The following DMD variants were observed in gnomAD, a reference collection of about 807,000 sequenced individuals.
DMD encodes the protein mutant dystrophin.
In DMD, 63 loss-of-function variants were observed where a neutral mutation model predicts 330.1. The ratio of observed to expected loss-of-function variants is 0.19; its 90% confidence interval spans 0.16 to 0.24. The LOEUF is 0.24. DMD is among the 10% of genes least tolerant of loss of function. DMD has a pLI of 1.00. For missense variants in DMD, 3,344 were observed against 2,684.1 expected (o/e 1.25, Z -5.43); for synonymous variants, 1,223 against 959.8 (o/e 1.27, Z -5.07).
At chrX:31,961,249 T>C (rs749685025) in intron 45 of DMD, among the ~76,000 whole-genome samples, 1 of 112,115 alleles carries the variant, frequency 8.9e-6, no homozygotes, top group Non-Finnish European at 1.9e-5. Context: ...ATTTCTAGAA[T>C]TGCAAACGTA....
intron 51 of DMD, among the ~76,000 whole-genome samples, chrX:31,730,001 G>A (rs1028486660): frequency 1.4e-4 from 16 of 111,885 alleles, no homozygotes; most frequent in African/African-American, 4.5e-4. Flanking sequence ...ACATTCCGGA[G>A]TACCTCGGAT....
chrX:33,189,383 TTAAAG>T (rs1337600791), intron 1 of DMD, among the ~76,000 whole-genome samples: 1 of 111,963 alleles, frequency 8.9e-6, no homozygotes, highest in African/African-American at 3.2e-5. Flanking sequence ...TATTCTCATA[TTAAAG>T]TAAATAAATT....
intron 6 of DMD, among the ~76,000 whole-genome samples, chrX:32,815,611 G>C (rs954355278): frequency 1.9e-5 from 2 of 106,902 alleles, no homozygotes; most frequent in Non-Finnish European, 3.8e-5. Context: ...CTAAGTGTAT[G>C]TGTACATATA....
intron 2 of DMD, among the ~76,000 whole-genome samples, chrX:32,872,305 T>C (rs1006476698): frequency 8.9e-6 from 1 of 112,109 alleles, no homozygotes; most frequent in African/African-American, 3.2e-5. Context: ...TTTGCGTCCA[T>C]GTTCATGGCC....
At chrX:31,334,613 C>T (rs761749153) in intron 61 of DMD, among the ~76,000 whole-genome samples, 3 of 111,647 alleles carry the variant, frequency 2.7e-5, no homozygotes, top group East Asian at 2.8e-4. Context: ...TCAGGTGACT[C>T]GTTTTTGTTA....
chrX:31,450,601 A>G (rs758846103), intron 59 of DMD, among the ~76,000 whole-genome samples: 4 of 112,369 alleles, frequency 3.6e-5, no homozygotes, highest in Non-Finnish European at 7.5e-5. Flanking sequence ...TGATGCCCAG[A>G]ATGTAGGTAC....
chrX:32,969,068 G>T, intron 2 of DMD, among the ~76,000 whole-genome samples: 1 of 77,344 alleles, frequency 1.3e-5, no homozygotes, highest in Admixed American at 1.6e-4. Context: ...AACCTAGAAC[G>T]CTCCCTTTCC....
At chrX:32,300,581 T>C (rs1179231786) in intron 42 of DMD, among the ~76,000 whole-genome samples, 1 of 111,990 alleles carries the variant, frequency 8.9e-6, no homozygotes, top group African/African-American at 3.2e-5. Context: ...ACCAGTCCTT[T>C]TATGATACGT....
intron 74 of DMD, among the ~76,000 whole-genome samples, chrX:31,162,802 T>C (rs754734205): frequency 8.9e-6 from 1 of 111,840 alleles, no homozygotes; most frequent in Non-Finnish European, 1.9e-5. Flanking sequence ...TTCACTGCCA[T>C]GAACTGCATA....
At chrX:33,248,508 T>C (rs2052708728) in intron 1 of DMD, among the ~76,000 whole-genome samples, 1 of 112,148 alleles carries the variant, frequency 8.9e-6, no homozygotes, top group Non-Finnish European at 1.9e-5. Flanking sequence ...TTTTCACCCA[T>C]TTTTATTCTC....
At chrX:31,587,920 G>A (rs930687830) in intron 55 of DMD, among the ~76,000 whole-genome samples, 3 of 111,498 alleles carry the variant, frequency 2.7e-5, no homozygotes, top group Admixed American at 1.9e-4. Context: ...AACAGGACAC[G>A]TCCTAAATCA....
chrX:31,585,323 CAAAAAAAAAAA>C (rs1213158531), intron 55 of DMD, among the ~76,000 whole-genome samples: 1 of 36,107 alleles, frequency 2.8e-5, no homozygotes, highest in African/African-American at 1.2e-4. Context: ...GACCCTGTCT[CAAAAAAAAAAA>C]AAAAAAAAAA....
chrX:32,374,926 GCA>G (rs984432372), intron 34 of DMD, among the ~76,000 whole-genome samples: 5 of 111,661 alleles, frequency 4.5e-5, no homozygotes, highest in Admixed American at 9.5e-5. Context: ...GGAGCTTTTT[GCA>G]CAGTTTTCTT....
chrX:32,686,957 T>G (rs1310320707), intron 9 of DMD, among the ~76,000 whole-genome samples: 1 of 111,869 alleles, frequency 8.9e-6, no homozygotes, highest in Non-Finnish European at 1.9e-5. Context: ...GTACATGACT[T>G]AGCATATCTC....
At position 31,763,189 on chromosome X, in the gene DMD, G is replaced by A. The variant is rs759730716; in HGVS notation, c.7542+10771C>T. 2.7e-5 allele frequency among the ~76,000 whole-genome samples: 3 copies of A among 112,597 alleles called. No individual in the cohort carries two copies. In the South Asian group the frequency reaches 1.1e-3, roughly 41 times the overall value. On this transcript the variant is annotated intron_variant, in intron 51 of 78. Transcript: ENST00000357033. ...CATACATTTGAAAAGAAAAGTTCAAGACAACAGAAGCAGCTTTACAAGAAA... is the reference window on the plus strand; with the variant it reads ...CATACATTTGAAAAGAAAAGTTCAAAACAACAGAAGCAGCTTTACAAGAAA...
intron 55 of DMD, among the ~76,000 whole-genome samples, chrX:31,593,598 A>G (rs2076974751): frequency 9.0e-6 from 1 of 111,148 alleles, no homozygotes; most frequent in Non-Finnish European, 1.9e-5. Context: ...ATAAAACCCA[A>G]AAACTATGAA....
intron 18 of DMD, among the ~76,000 whole-genome samples, chrX:32,512,762 C>T (rs762617253): frequency 3.6e-5 from 4 of 112,132 alleles, no homozygotes; most frequent in South Asian, 7.4e-4. Context: ...CACGCTGCAA[C>T]GAGAGAGACA....
chrX:31,256,902 T>C (rs2050017542), intron 63 of DMD, among the ~76,000 whole-genome samples: 1 of 110,611 alleles, frequency 9.0e-6, no homozygotes, highest in South Asian at 3.9e-4. Context: ...GTAAATAATA[T>C]AAATTCATTG....
chrX:32,019,628 G>C (rs1178612283), intron 44 of DMD, among the ~76,000 whole-genome samples: 1 of 111,803 alleles, frequency 8.9e-6, no homozygotes, highest in Non-Finnish European at 1.9e-5. Context: ...TTCAAAGCTC[G>C]TAAAATAATT....
Sources: allele counts gnomAD v4.1 joint callset (sites outside exome capture counted in the v4.1 genomes callset), GRCh38; gene constraint gnomAD v4.1.1; transcripts MANE v1.5; gene names NCBI Gene and HGNC (gene_info 2026-07-23, HGNC 2026-07-21).